CACNB4: variants seen among roughly 807,000 people sequenced by gnomAD.
The protein encoded by CACNB4 is voltage-dependent L-type calcium channel subunit beta-4.
In CACNB4, 32 loss-of-function variants were observed where a neutral mutation model predicts 71.2. The ratio of observed to expected loss-of-function variants is 0.45; its 90% CI spans 0.34 to 0.60. The LOEUF (loss-of-function observed/expected upper bound fraction) is 0.60, where lower values mean the gene tolerates loss of function less well. Among genes scored for constraint, CACNB4 ranks in the 20% least tolerant of loss-of-function variants. The pLI, the probability that CACNB4 is intolerant of heterozygous loss-of-function variation, is 0.01. For missense variants in CACNB4, 464 were observed against 647.9 expected (o/e 0.72, Z 3.08); for synonymous variants, 231 against 236.9 (o/e 0.97, Z 0.23).
At chr2:151,948,016 C>T (rs1306483861) in intron 2 of CACNB4, among the ~76,000 whole-genome samples, 1 of 152,170 alleles carries the variant, frequency 6.6e-6, no homozygotes, top group Non-Finnish European at 1.5e-5. Flanking sequence ...CACTTGGCGG[C>T]TTTCTTGGGC....
In CACNB4 at chr2:151,837,976, C is replaced by T. The variant is rs950117300; in HGVS notation, c.*1143G>A. 1 of 151,970 alleles carries T rather than the reference C, an allele frequency of 6.6e-6. No individual in the cohort carries two copies. The highest frequency in any genetic ancestry group is 2.4e-5 in the African/African-American group (1 of 41,368). The allele number at this position is 151,970 out of a possible 1,614,324, so 9.4% of individuals were successfully genotyped here. A position where few individuals can be genotyped will look rare whatever the true frequency, so the allele number is the denominator to read the frequency against. On this transcript the variant is annotated 3_prime_UTR_variant, in exon 14 of 14. Transcript: ENST00000539935. ...CCTGAATATCAAAGTTGAGTGTGTC[C>T]ACATAAAACGAAATTCCTTAGCATG...
intron 2 of CACNB4, among the ~76,000 whole-genome samples, chr2:152,089,431 C>T (rs1006785901): frequency 6.6e-6 from 1 of 152,110 alleles, no homozygotes; most frequent in Non-Finnish European, 1.5e-5. Context: ...TGCAACACAC[C>T]GGATTCAGTG....
At chr2:151,861,102 T>C in intron 9 of CACNB4, 2 of 390,900 alleles carry the variant, frequency 5.1e-6, no homozygotes, top group Non-Finnish European at 9.2e-6. Flanking sequence ...CTTTATAATA[T>C]ACACCACACC....
rs543513864 is a variant in CACNB4 at position 151,946,936 on chromosome 2, A to G, written c.148-63566T>C. On this transcript the variant is annotated intron_variant, in intron 2 of 13. Transcript: ENST00000539935. ...GTGATTCTGAGTCCTTTAGAAAACA[A>G]AATCTGAGTAAATTCTGGTGTCCTG... Among the ~76,000 whole-genome samples the G allele has an allele frequency of 3.9e-5, 6 of 152,296 alleles. No individual in the cohort carries two copies. In the South Asian group the frequency reaches 8.3e-4, roughly 21 times the overall value.
At chr2:151,889,520 T>C (rs149569018) in intron 2 of CACNB4, among the ~76,000 whole-genome samples, 3 of 151,798 alleles carry the variant, frequency 2.0e-5, no homozygotes, top group Non-Finnish European at 4.4e-5. Context: ...TCATGGAATA[T>C]TCAGAGAAAT....
At chr2:151,925,377 G>T (rs571608498) in intron 2 of CACNB4, among the ~76,000 whole-genome samples, 1 of 152,114 alleles carries the variant, frequency 6.6e-6, no homozygotes, top group African/African-American at 2.4e-5. Context: ...ATTTCTGAAC[G>T]TCCTTTAAAA....
At chr2:151,881,643 T>C (rs2680976) in intron 3 of CACNB4, among the ~76,000 whole-genome samples, 74,485 of 152,156 alleles carry the variant, frequency 0.49, 22,259 homozygotes, top group Non-Finnish European at 0.67. Flanking sequence ...AAGAAAATTT[T>C]GTAACAAAAA....
At chr2:152,052,005 C>T (rs1018148158) in intron 2 of CACNB4, among the ~76,000 whole-genome samples, 9 of 152,230 alleles carry the variant, frequency 5.9e-5, no homozygotes, top group Admixed American at 5.2e-4. Flanking sequence ...ATAGTGTTAG[C>T]ATAATATTTT....
At chr2:151,879,722 A>G (rs549006378) in intron 4 of CACNB4, 8 of 152,252 alleles carry the variant, frequency 5.3e-5, no homozygotes, top group Non-Finnish European at 1.2e-4. Flanking sequence ...TCTGGTCCAC[A>G]TAAGATTACC....
chr2:152,004,546 C>T (rs989816254), intron 2 of CACNB4, among the ~76,000 whole-genome samples: 19 of 151,732 alleles, frequency 1.3e-4, no homozygotes, highest in African/African-American at 2.9e-4. Flanking sequence ...CACACACACA[C>T]ACACACACAC....
chr2:151,907,170 G>A (rs1002859998), intron 2 of CACNB4, among the ~76,000 whole-genome samples: 11 of 152,008 alleles, frequency 7.2e-5, no homozygotes, highest in Admixed American at 7.2e-4. Context: ...AACAGAGGTA[G>A]GGAAAACAGA....
intron 2 of CACNB4, among the ~76,000 whole-genome samples, chr2:151,918,321 T>A (rs1466543628): frequency 6.6e-6 from 1 of 152,206 alleles, no homozygotes; most frequent in Non-Finnish European, 1.5e-5. Flanking sequence ...GTTGCAAAGA[T>A]CTATACAATT....
At chr2:152,073,911 A>G (rs1040391770) in intron 2 of CACNB4, among the ~76,000 whole-genome samples, 4 of 152,214 alleles carry the variant, frequency 2.6e-5, no homozygotes, top group African/African-American at 7.2e-5. Context: ...ATGTAGGACC[A>G]GAAGAGGCAG....
At chr2:151,993,668 G>A (rs1010791746) in intron 2 of CACNB4, among the ~76,000 whole-genome samples, 9 of 150,874 alleles carry the variant, frequency 6.0e-5, no homozygotes, top group South Asian at 2.1e-4. Flanking sequence ...AGGTTCAAGC[G>A]ATTCTCCTGC....
At chr2:152,088,155 A>ACACG (rs1687764326) in intron 2 of CACNB4, among the ~76,000 whole-genome samples, 1 of 150,838 alleles carries the variant, frequency 6.6e-6, no homozygotes, top group Non-Finnish European at 1.5e-5. Flanking sequence ...ACACACACAC[A>ACACG]CACACACACA....
intron 2 of CACNB4, among the ~76,000 whole-genome samples, chr2:152,058,442 G>A (rs1430269282): frequency 6.6e-6 from 1 of 152,186 alleles, no homozygotes; most frequent in East Asian, 1.9e-4. Flanking sequence ...TGCTGATAGT[G>A]ATATGGGCAG....
rs982763176 is a variant in CACNB4 at position 151,833,787 on chromosome 2, T to C, written c.*5332A>G. 6.6e-6 allele frequency: 1 copy of C among 152,130 alleles called. No homozygotes were observed. The highest frequency in any genetic ancestry group is 6.5e-5 in the Admixed American group (1 of 15,284). 9.4% of individuals were successfully genotyped at this position (152,130 alleles called of 1,614,324 possible). ...AACAAATGTGCTTCTTTCTCCTCAA[T>C]CTATTTTTATATTATTGGCAAAATA... On this transcript the variant is annotated 3_prime_UTR_variant, in exon 14 of 14. Transcript: ENST00000539935.
At chr2:152,040,401 C>T (rs935348067) in intron 2 of CACNB4, among the ~76,000 whole-genome samples, 8 of 152,042 alleles carry the variant, frequency 5.3e-5, no homozygotes, top group African/African-American at 1.4e-4. Context: ...CTTTCTTCAG[C>T]TAATTAATTT....
chr2:151,984,122 A>C (rs1001007741), intron 2 of CACNB4, among the ~76,000 whole-genome samples: 2 of 152,186 alleles, frequency 1.3e-5, no homozygotes, highest in Non-Finnish European at 2.9e-5. Flanking sequence ...ATGCCCCCTG[A>C]ATTTACTGGG....
Sources: gnomAD v4.1 joint callset for allele counts (sites outside exome capture counted in the v4.1 genomes callset) on GRCh38, gnomAD v4.1.1 for gene constraint, MANE v1.5 for transcripts, NCBI Gene and HGNC (gene_info 2026-07-23, HGNC 2026-07-21) for gene names.